The following EPHA6 variants were observed in gnomAD, a reference collection of about 807,000 sequenced individuals.
EPHA6 encodes ephrin type-A receptor 6.
Under a neutral mutation model 112.0 loss-of-function variants are expected in EPHA6, and 50 were observed. The observed-to-expected ratio is 0.45, with a 90% CI of 0.36 to 0.56. The LOEUF (loss-of-function observed/expected upper bound fraction) is 0.56. Among genes scored for constraint, EPHA6 ranks in the 20% least tolerant of loss-of-function variants. EPHA6 has a pLI of 0.00. For synonymous variants in EPHA6, 529 were observed against 490.7 expected, an observed-to-expected ratio of 1.08 and a Z score of -1.03; for missense variants, 1,280 against 1,417.4, an observed-to-expected ratio of 0.90 and a Z score of 1.56.
At chr3:96,823,040 A>T (rs2033388306) in intron 1 of EPHA6, among the ~76,000 whole-genome samples, 1 of 151,698 alleles carries the variant, frequency 6.6e-6, no homozygotes, top group Non-Finnish European at 1.5e-5. Context: ...AGTAAGAATT[A>T]TCTAAGAAAA....
At chr3:97,174,682 C>T (rs2076787894) in intron 3 of EPHA6, among the ~76,000 whole-genome samples, 1 of 151,748 alleles carries the variant, frequency 6.6e-6, no homozygotes, top group South Asian at 2.1e-4. Flanking sequence ...ACCTGTTTGC[C>T]ATGTGTATGT....
chr3:97,453,453 T>C (rs2107343822), intron 7 of EPHA6, among the ~76,000 whole-genome samples: 1 of 151,862 alleles, frequency 6.6e-6, no homozygotes, highest in African/African-American at 2.4e-5. Flanking sequence ...ACCTGTAGGC[T>C]GCATAAATCA....
At chr3:96,907,020 C>A (rs553089395) in intron 2 of EPHA6, among the ~76,000 whole-genome samples, 83 of 151,592 alleles carry the variant, frequency 5.5e-4, no homozygotes, top group Middle Eastern at 3.4e-3. Flanking sequence ...AAAGTAGAGC[C>A]CCTAAATTGA....
At chr3:97,454,291 A>G (rs1300293858) in intron 7 of EPHA6, among the ~76,000 whole-genome samples, 3 of 151,854 alleles carry the variant, frequency 2.0e-5, no homozygotes, top group Non-Finnish European at 3.0e-5. Context: ...AAAGAACTAT[A>G]GTCTGTATAT....
At chr3:97,480,023 T>G (rs2091484331) in intron 9 of EPHA6, among the ~76,000 whole-genome samples, 1 of 152,192 alleles carries the variant, frequency 6.6e-6, no homozygotes, top group South Asian at 2.1e-4. Flanking sequence ...GAAAGGGATG[T>G]TCTCTAATTA....
rs1246295867 is a variant in EPHA6 at position 96,958,174 on chromosome 3, C to T, written c.451-29156C>T. On this transcript the variant is annotated intron_variant, in intron 2 of 17. Transcript: ENST00000389672. ...GCGTGGCGGGGCATGCCTGTATTCCCAGCTACTTGGGTGGCTGAGGCAGTA... is the reference window on the plus strand; with the variant it reads ...GCGTGGCGGGGCATGCCTGTATTCCTAGCTACTTGGGTGGCTGAGGCAGTA... 2.6e-5 allele frequency among the ~76,000 whole-genome samples: 4 copies of T among 152,008 alleles called. No homozygotes were observed. In the South Asian group the frequency reaches 6.2e-4, roughly 24 times the overall value.
chr3:97,280,372 T>A (rs1226309980), intron 5 of EPHA6, among the ~76,000 whole-genome samples: 1 of 152,234 alleles, frequency 6.6e-6, no homozygotes, highest in Non-Finnish European at 1.5e-5. Flanking sequence ...AGTGCTCAAA[T>A]AATATTATTA....
At chr3:97,459,166 G>C (rs1471084369) in intron 7 of EPHA6, among the ~76,000 whole-genome samples, 1 of 152,218 alleles carries the variant, frequency 6.6e-6, no homozygotes, top group East Asian at 1.9e-4. Flanking sequence ...AACAGTATCT[G>C]TGCAAGTGTA....
chr3:97,578,221 A>T (rs1371328191), intron 11 of EPHA6, among the ~76,000 whole-genome samples: 1 of 152,200 alleles, frequency 6.6e-6, no homozygotes, highest in Non-Finnish European at 1.5e-5. Flanking sequence ...AATAAGCAAC[A>T]TCCAGAGGTA....
chr3:97,617,471 A>AT lies in EPHA6; in HGVS notation c.2574+6618dup, dbSNP rs2107488015. Among the ~76,000 whole-genome samples, 2 of 152,286 alleles carry AT rather than the reference A, an allele frequency of 1.3e-5. 1 individual carries two copies. Among genetic ancestry groups the AT allele is most frequent in the South Asian group, 4.1e-4 (2 of 4,828 alleles). On this transcript the variant is annotated intron_variant, in intron 13 of 17. Coordinates refer to ENST00000389672, the MANE Select transcript of EPHA6 (RefSeq NM_001080448.3). ...ATGGGCTAAGTGCCTCAATTAAAAG[A>AT]TAAAAAAATGGCAAGCTGGATAAAG...
chr3:97,454,142 A>G (rs1407240632), intron 7 of EPHA6, among the ~76,000 whole-genome samples: 1 of 151,834 alleles, frequency 6.6e-6, no homozygotes. Context: ...TGATCACATT[A>G]CAAATGATCA....
chr3:96,981,419 A>G (rs1286548566), intron 2 of EPHA6, among the ~76,000 whole-genome samples: 1 of 152,154 alleles, frequency 6.6e-6, no homozygotes, highest in East Asian at 1.9e-4. Flanking sequence ...CATGGTGGAT[A>G]AGCTTTTTGA....
chr3:97,564,045 A>T (rs528069330), intron 11 of EPHA6, among the ~76,000 whole-genome samples: 1 of 152,288 alleles, frequency 6.6e-6, no homozygotes, highest in African/African-American at 2.4e-5. Flanking sequence ...ACATAGTGAA[A>T]TGTTGATGGA....
At chr3:97,328,593 G>T (rs930779766) in intron 5 of EPHA6, among the ~76,000 whole-genome samples, 10 of 151,762 alleles carry the variant, frequency 6.6e-5, no homozygotes, top group African/African-American at 2.2e-4. Context: ...TATAATCTAA[G>T]TACTACTCGT....
At chr3:97,618,154 G>A (rs2093782136) in intron 13 of EPHA6, among the ~76,000 whole-genome samples, 1 of 152,118 alleles carries the variant, frequency 6.6e-6, no homozygotes, top group Non-Finnish European at 1.5e-5. Flanking sequence ...CATGGAAATT[G>A]TATAACCTGC....
intron 5 of EPHA6, among the ~76,000 whole-genome samples, chr3:97,320,520 A>T (rs941941292): frequency 6.6e-6 from 1 of 151,952 alleles, no homozygotes; most frequent in African/African-American, 2.4e-5. Context: ...GGAATATGAT[A>T]GCTGCAGAGA....
In EPHA6 at chr3:96,972,424, A is replaced by AACACACAC. The variant is rs3070424; in HGVS notation, c.451-14875_451-14868dup. ...AAGAGATTTCAGAAACACACACACA[A>AACACACAC]ACACACACACACACACACACACACA... On this transcript the variant is annotated intron_variant, in intron 2 of 17. Coordinates refer to ENST00000389672, the MANE Select transcript of EPHA6 (RefSeq NM_001080448.3). 5.6e-4 allele frequency among the ~76,000 whole-genome samples: 81 copies of AACACACAC among 144,756 alleles called. 1 individual carries two copies. Among genetic ancestry groups the AACACACAC allele is most frequent in the African/African-American group, 1.8e-3 (73 of 39,770 alleles). The allele number at this position is 144,756 out of a possible 152,430, so 95.0% of individuals were successfully genotyped here. A position where few individuals can be genotyped will look rare whatever the true frequency, so the allele number is the denominator to read the frequency against.
intron 3 of EPHA6, among the ~76,000 whole-genome samples, chr3:97,202,918 G>C (rs1417518683): frequency 1.3e-5 from 2 of 152,078 alleles, no homozygotes; most frequent in African/African-American, 4.8e-5. Flanking sequence ...TTACTGGCTA[G>C]AGGATCAGTC....
chr3:97,276,670 G>A (rs2080092928), intron 5 of EPHA6, among the ~76,000 whole-genome samples: 1 of 152,146 alleles, frequency 6.6e-6, no homozygotes, highest in Non-Finnish European at 1.5e-5. Context: ...GTCGGGAGCG[G>A]ATTGGGTAAT....
Sources: allele counts gnomAD v4.1 joint callset (sites outside exome capture counted in the v4.1 genomes callset), GRCh38; gene constraint gnomAD v4.1.1; transcripts MANE v1.5; gene names NCBI Gene and HGNC (gene_info 2026-07-23, HGNC 2026-07-21).